The following NLRP5 variants were observed in gnomAD, a reference collection of about 807,000 sequenced individuals.
NLRP5 encodes the protein NLR family pyrin domain containing 5.
Under a neutral mutation model 113.1 loss-of-function variants are expected in NLRP5, and 93 were observed. The ratio of observed to expected loss-of-function variants is 0.82; its 90% confidence interval spans 0.70 to 0.98. The LOEUF (loss-of-function observed/expected upper bound fraction) is 0.98, where lower values mean the gene tolerates loss of function less well. Among genes scored for constraint, NLRP5 ranks in the 50% least tolerant of loss-of-function variants. The probability of loss-of-function intolerance (pLI) is 0.00; values close to 1 mark genes in which losing one functional copy is unlikely to be tolerated. For missense variants in NLRP5, 1,808 were observed against 1,514.3 expected (o/e 1.19, Z -3.22); for synonymous variants, 751 against 600.7 (o/e 1.25, Z -3.66).
At chr19:56,016,871 C>T (rs756758624) in intron 4 of NLRP5, among the ~76,000 whole-genome samples, 4 of 151,896 alleles carry the variant, frequency 2.6e-5, no homozygotes, top group African/African-American at 2.4e-5. Flanking sequence ...TGCAGTGGCG[C>T]GATCTCAGCT....
intron 14 of NLRP5, among the ~76,000 whole-genome samples, chr19:56,060,742 T>C (rs1984321559): frequency 1.3e-5 from 2 of 152,084 alleles, no homozygotes; most frequent in Non-Finnish European, 2.9e-5. Context: ...AGAGAATTAC[T>C]TTTATTCTAT....
At chr19:56,015,426 C>A (rs1649729325) in intron 3 of NLRP5, among the ~76,000 whole-genome samples, 1 of 152,180 alleles carries the variant, frequency 6.6e-6, no homozygotes, top group African/African-American at 2.4e-5. Flanking sequence ...AAACCCCTGA[C>A]CTCAAAAGAT....
chr19:55,988,229 TA>T, the NLRP5 span: 371 of 150,904 alleles, frequency 2.5e-3, no homozygotes, highest in South Asian at 5.0e-3. Context: ...CCGCCTCTAC[TA>T]AAAAAAAAAA....
the NLRP5 span, among the ~76,000 whole-genome samples, chr19:55,993,926 G>A: frequency 1.3e-5 from 2 of 151,800 alleles, no homozygotes; most frequent in Non-Finnish European, 2.9e-5. Context: ...CTTAGCTATC[G>A]TGAATAGTGG....
chr19:56,060,230 C>G (rs1482212065), intron 14 of NLRP5, among the ~76,000 whole-genome samples: 1 of 152,136 alleles, frequency 6.6e-6, no homozygotes, highest in Non-Finnish European at 1.5e-5. Context: ...TACTGATTGA[C>G]CTATTATGGG....
At chr19:56,016,865 G>A (rs560872276) in intron 4 of NLRP5, among the ~76,000 whole-genome samples, 2 of 152,260 alleles carry the variant, frequency 1.3e-5, no homozygotes, top group South Asian at 2.1e-4. Flanking sequence ...CTGGGGTGCA[G>A]TGGCGCGATC....
At chr19:55,995,180 T>A (rs1223930276), upstream of NLRP5, among the ~76,000 whole-genome samples, 1 of 151,768 alleles carries the variant, frequency 6.6e-6, no homozygotes, top group Non-Finnish European at 1.5e-5. Context: ...GGACACAGGG[T>A]GGGGAACATC....
intron 2 of NLRP5, among the ~76,000 whole-genome samples, 191 bp from the exon 3 acceptor site, chr19:56,008,597 C>T (rs747307796): frequency 6.6e-6 from 1 of 152,148 alleles, no homozygotes; most frequent in Non-Finnish European, 1.5e-5. Context: ...TCTGTTTCTT[C>T]AGTGTGCTTC....
intron 7 of NLRP5, among the ~76,000 whole-genome samples, chr19:56,028,712 G>A (rs1982977965): frequency 6.6e-6 from 1 of 152,154 alleles, no homozygotes; most frequent in Non-Finnish European, 1.5e-5. Context: ...TCACAATACA[G>A]GGCCCCGCCT....
intron 13 of NLRP5, among the ~76,000 whole-genome samples, chr19:56,055,460 T>C (rs966056100): frequency 6.6e-6 from 1 of 151,370 alleles, no homozygotes; most frequent in Admixed American, 6.6e-5. Context: ...TTATTTCTTA[T>C]TAAATCAAGG....
At chr19:56,059,343 T>TG (rs1479723893) in intron 14 of NLRP5, among the ~76,000 whole-genome samples, 1 of 152,196 alleles carries the variant, frequency 6.6e-6, no homozygotes, top group East Asian at 1.9e-4. Flanking sequence ...AGTTCACTGA[T>TG]GTCTTCAGTG....
At chr19:56,047,896 A>G (rs1239802650) in intron 11 of NLRP5, among the ~76,000 whole-genome samples, 2 of 152,154 alleles carry the variant, frequency 1.3e-5, no homozygotes, top group Non-Finnish European at 2.9e-5. Flanking sequence ...TTATGAATTT[A>G]GGACCTCCAG....
chr19:56,011,313 T>G (rs1171455834), intron 3 of NLRP5, among the ~76,000 whole-genome samples: 1 of 151,924 alleles, frequency 6.6e-6, no homozygotes, highest in African/African-American at 2.4e-5. Context: ...AATACTAGAT[T>G]AGTGGTTGCC....
chr19:55,999,592 G>T, upstream of NLRP5: 2 of 712,262 alleles, frequency 2.8e-6, no homozygotes, highest in Non-Finnish European at 2.5e-6. Flanking sequence ...CTCTGTGCCA[G>T]CCCTTCCGAC....
chr19:56,027,936 A>G lies in NLRP5; in HGVS notation c.1703A>G (p.Asn568Ser). The change falls in exon 7 of 15, where the codon AAC becomes AGC. Residue 568 changes from asparagine (N) to serine (S), a missense_variant. Physicochemically the swap from Asn to Ser is conservative, Grantham distance 46. Transcript: ENST00000390649. ...GAGCTCCGTGCTCTGTTTCACATGA[A>G]CATCCTTCTCCCAGACAGCCACTGT... 1 of 1,613,872 alleles carries G rather than the reference A, an allele frequency of 6.2e-7. No homozygotes were observed. Among genetic ancestry groups the G allele is most frequent in the Non-Finnish European group, 8.5e-7 (1 of 1,179,846 alleles).
intron 7 of NLRP5, among the ~76,000 whole-genome samples, chr19:56,031,271 C>T (rs1042646932): frequency 6.6e-6 from 1 of 152,142 alleles, no homozygotes; most frequent in Non-Finnish European, 1.5e-5. Context: ...AACTCCATCT[C>T]CCCTGCTCCC....
chr19:56,010,947 T>C (rs1599881351), intron 3 of NLRP5, among the ~76,000 whole-genome samples: 1 of 151,288 alleles, frequency 6.6e-6, no homozygotes, highest in Non-Finnish European at 1.5e-5. Context: ...AACCCAGGAG[T>C]TCGAGACCAA....
At chr19:56,056,161 C>T (rs186835845) in intron 13 of NLRP5, among the ~76,000 whole-genome samples, 17 of 152,304 alleles carry the variant, frequency 1.1e-4, no homozygotes, top group Admixed American at 1.1e-3. Flanking sequence ...CAAATAACTC[C>T]TACCCCTTCA....
chr19:56,050,013 C>T (rs971368961), intron 11 of NLRP5, among the ~76,000 whole-genome samples: 2 of 152,100 alleles, frequency 1.3e-5, no homozygotes, highest in African/African-American at 4.8e-5. Flanking sequence ...GGTGTGGTGG[C>T]TGACACCTGT....
Sources: gnomAD v4.1 joint callset for allele counts (sites outside exome capture counted in the v4.1 genomes callset) on GRCh38, gnomAD v4.1.1 for gene constraint, MANE v1.5 for transcripts, NCBI Gene and HGNC (gene_info 2026-07-23, HGNC 2026-07-21) for gene names.